The following IL18R1 variants were observed in gnomAD, a reference collection of about 807,000 sequenced individuals.
IL18R1 encodes interleukin 18 receptor 1, also known as interleukin-18 receptor 1.
In IL18R1, 40 loss-of-function variants were observed where a neutral mutation model predicts 48.5. That is an observed-to-expected ratio of 0.82 (90% CI 0.64 to 1.07). IL18R1 has a LOEUF of 1.07. Ranked by LOEUF, IL18R1 falls within the 50% of genes least tolerant of loss-of-function variation. IL18R1 has a pLI of 0.00. For missense variants in IL18R1, 596 were observed against 633.7 expected, an observed-to-expected ratio of 0.94 and a Z score of 0.64; for synonymous variants, 232 against 225.9, an observed-to-expected ratio of 1.03 and a Z score of -0.24.
intron 9 of IL18R1, 123 bp downstream of exon 9, chr2:102,390,340 T>C (rs1680492892): frequency 1.2e-6 from 1 of 860,408 alleles, no homozygotes; most frequent in East Asian, 2.6e-5. Flanking sequence ...AGGTTTTCTA[T>C]GGGAAATATT....
At chr2:102,366,575 AG>A (rs1187868945) in intron 2 of IL18R1, among the ~76,000 whole-genome samples, 2 of 152,196 alleles carry the variant, frequency 1.3e-5, no homozygotes, top group African/African-American at 4.8e-5. Context: ...TCTTTACAGT[AG>A]CACCCCACTT....
At chr2:102,364,724 A>C (rs915737877) in intron 2 of IL18R1, among the ~76,000 whole-genome samples, 2 of 152,188 alleles carry the variant, frequency 1.3e-5, no homozygotes, top group African/African-American at 4.8e-5. Context: ...AGACTGGGTA[A>C]TTTATAAAGG....
At chr2:102,379,168 G>A (rs182147430) in intron 5 of IL18R1, among the ~76,000 whole-genome samples, 2 of 152,326 alleles carry the variant, frequency 1.3e-5, no homozygotes, top group Admixed American at 6.5e-5. Context: ...CTGGGGCCGG[G>A]TGTGGTGGCT....
intron 1 of IL18R1, among the ~76,000 whole-genome samples, chr2:102,359,203 A>G (rs1289608425): frequency 6.6e-6 from 1 of 152,212 alleles, no homozygotes; most frequent in Non-Finnish European, 1.5e-5. Context: ...TATTTGAGGA[A>G]AGTAAGTTTA....
In IL18R1 at chr2:102,394,614, A is replaced by G. The variant is rs1423621823; in HGVS notation, c.1257A>G (p.Val419=). ...AGTTATGCATATTTGAAAGGGATGT[A>G]GTGCCTGGAGGAGGTAAGAGGGAAT... is the stretch of plus-strand genomic sequence containing the variant. The part of the protein sequence containing the change: ...GYKLCIFERD[V]VPGGAVVDEI... The change falls in exon 10 of 11, where the codon GTA becomes GTG. Residue 419 remains valine, a synonymous_variant. Transcript: ENST00000233957. The G allele has an allele frequency of 6.2e-7, 1 of 1,609,270 alleles. No homozygotes were observed. Among genetic ancestry groups the G allele is most frequent in the Non-Finnish European group, 8.5e-7 (1 of 1,177,004 alleles).
chr2:102,396,552 C>T lies in IL18R1; in HGVS notation c.1292C>T (p.Ser431Leu). 1 of 1,598,804 alleles carries T rather than the reference C, an allele frequency of 6.3e-7. No individual in the cohort carries two copies. Among genetic ancestry groups the T allele is most frequent in the Non-Finnish European group, 8.5e-7 (1 of 1,172,524 alleles). ...TCAGCTGTTGTTGATGAAATCCACT[C>T]ACTGATAGAGAAAAGCCGAAGACTA... is the stretch of plus-strand genomic sequence containing the variant. ...PGGAVVDEIH[S>L]LIEKSRRLII... Residue 431 changes from serine to leucine, a missense_variant, in exon 11 of 11, where the codon TCA becomes TTA. By Grantham distance (145) the Ser-to-Leu change is moderately radical. Coordinates refer to ENST00000233957, the MANE Select transcript of IL18R1 (RefSeq NM_003855.5).
chr2:102,360,559 G>C (rs772706560), intron 1 of IL18R1, among the ~76,000 whole-genome samples: 1 of 152,050 alleles, frequency 6.6e-6, no homozygotes, highest in African/African-American at 2.4e-5. Flanking sequence ...CACTGTGCCC[G>C]GCCAAACATC....
intron 3 of IL18R1, among the ~76,000 whole-genome samples, chr2:102,370,313 A>C (rs1275766690): frequency 6.6e-6 from 1 of 152,270 alleles, no homozygotes; most frequent in African/African-American, 2.4e-5. Context: ...GTAGTCTGAA[A>C]AAATGGGGAT....
chr2:102,364,244 A>C (rs780300358), intron 2 of IL18R1, among the ~76,000 whole-genome samples: 1 of 152,242 alleles, frequency 6.6e-6, no homozygotes, highest in Non-Finnish European at 1.5e-5. Flanking sequence ...GAAATAAGCC[A>C]ATATCCAACA....
intron 5 of IL18R1, among the ~76,000 whole-genome samples, chr2:102,376,288 A>G (rs535945640): frequency 1.3e-5 from 2 of 152,288 alleles, no homozygotes; most frequent in African/African-American, 4.8e-5. Context: ...TAAACCTCAC[A>G]TGAGTCAGCT....
Position 102,364,691 on chromosome 2 carries a change from T to G in IL18R1, c.58+1973T>G, listed in dbSNP as rs181551284. ...AAGAATGTGTATTAGTCCATTCTCA[T>G]GCTGCTAATAAAGGCATACTTGAGA... is the stretch of plus-strand genomic sequence containing the variant. On this transcript the variant is annotated intron_variant, in intron 2 of 10. Coordinates refer to ENST00000233957, the MANE Select transcript of IL18R1 (RefSeq NM_003855.5). Among the ~76,000 whole-genome samples, 321 of 152,314 alleles carry G rather than the reference T, an allele frequency of 2.1e-3. 1 individual carries two copies. Among genetic ancestry groups the G allele is most frequent in the Non-Finnish European group, 3.5e-3 (235 of 68,014 alleles).
At chr2:102,368,882 C>T (rs1397960157) in intron 3 of IL18R1, among the ~76,000 whole-genome samples, 1 of 152,080 alleles carries the variant, frequency 6.6e-6, no homozygotes, top group East Asian at 1.9e-4. Context: ...AGAAGCACTT[C>T]TAGAGTGAGT....
chr2:102,380,592 G>A (rs562728733), intron 5 of IL18R1, among the ~76,000 whole-genome samples: 19 of 152,222 alleles, frequency 1.2e-4, no homozygotes, highest in African/African-American at 3.4e-4. Flanking sequence ...TCTGAACTCC[G>A]GAGTCCACTG....
chr2:102,362,993 T>G (rs1678673289), intron 2 of IL18R1: 2 of 248,928 alleles, frequency 8.0e-6, no homozygotes, highest in African/African-American at 2.2e-5. Flanking sequence ...GAAACACACT[T>G]TCTCCTTCCT....
intron 3 of IL18R1, 118 bp downstream of exon 3, chr2:102,368,186 C>A: frequency 9.1e-7 from 1 of 1,100,568 alleles, no homozygotes; most frequent in Non-Finnish European, 1.3e-6. Context: ...CTTTCCTACT[C>A]TTCCTATGAC....
At chr2:102,390,275 A>C in intron 9 of IL18R1, 58 bp downstream of exon 9, 1 of 1,433,138 alleles carries the variant, frequency 7.0e-7, no homozygotes, top group Non-Finnish European at 9.8e-7. Flanking sequence ...AATCAGATAA[A>C]TAGGCATTAA....
intron 3 of IL18R1, among the ~76,000 whole-genome samples, chr2:102,370,717 T>C (rs955261376): frequency 6.6e-6 from 1 of 152,230 alleles, no homozygotes; most frequent in Non-Finnish European, 1.5e-5. Context: ...GTGAGTTGTT[T>C]AACCTGTCTG....
chr2:102,368,908 C>A (rs949258145), intron 3 of IL18R1, among the ~76,000 whole-genome samples: 1 of 152,112 alleles, frequency 6.6e-6, no homozygotes, highest in Non-Finnish European at 1.5e-5. Flanking sequence ...TCATTATCAA[C>A]CATGCTGTTG....
rs183454870 is a variant in IL18R1, at chr2:102,370,604, G to A, written c.303-1349G>A. On this transcript the variant is annotated intron_variant, in intron 3 of 10. Coordinates refer to ENST00000233957, the MANE Select transcript of IL18R1 (RefSeq NM_003855.5). ...CCAAGGTGAAGGGGCCAGATTCATT[G>A]GATTGTGAAAGTGTAGAATTGTGCA... Among the ~76,000 whole-genome samples, 380 of 152,340 alleles carry A rather than the reference G, an allele frequency of 2.5e-3. 4 individuals carry two copies. The highest frequency in any genetic ancestry group is 0.017 in the Middle Eastern group (5 of 292).
Sources: gnomAD v4.1 joint callset for allele counts (sites outside exome capture counted in the v4.1 genomes callset) on GRCh38, gnomAD v4.1.1 for gene constraint, MANE v1.5 for transcripts, NCBI Gene and HGNC (gene_info 2026-07-23, HGNC 2026-07-21) for gene names.